SIDT1: variants seen among roughly 807,000 people sequenced by gnomAD.
SIDT1 encodes the protein SID1 transmembrane family member 1.
In SIDT1, 101 loss-of-function variants were observed where a neutral mutation model predicts 107.5. The ratio of observed to expected loss-of-function variants is 0.94; its 90% CI spans 0.80 to 1.11. SIDT1 has a LOEUF of 1.11. Among genes scored for constraint, SIDT1 ranks in the 50% least tolerant of loss-of-function variants. The probability of loss-of-function intolerance (pLI) is 0.00; values close to 1 mark genes in which losing one functional copy is unlikely to be tolerated. For synonymous variants in SIDT1, 395 were observed against 398.2 expected, an observed-to-expected ratio of 0.99 and a Z score of 0.10; for missense variants, 1,076 against 1,058.2, an observed-to-expected ratio of 1.02 and a Z score of -0.23.
At position 113,566,412 on chromosome 3, in the gene SIDT1, C is replaced by A; in HGVS notation, c.223-8C>A. The stretch of plus-strand genomic sequence containing the variant: ...TTTTGCATTACCTCTTTCTACCCTG[C>A]CATGCAGGTGACAGCCGTGAGGGTG... On this transcript the variant is annotated splice_region_variant and splice_polypyrimidine_tract_variant and intron_variant, in intron 1 of 24. Coordinates refer to ENST00000264852, the MANE Select transcript of SIDT1 (RefSeq NM_017699.3). 4 of 1,612,452 alleles carry A rather than the reference C, an allele frequency of 2.5e-6. No individual in the cohort carries two copies. The highest frequency in any genetic ancestry group is 3.4e-6 in the Non-Finnish European group (4 of 1,179,018).
At chr3:113,588,412 T>C (rs1943895074) in intron 9 of SIDT1, among the ~76,000 whole-genome samples, 1 of 152,232 alleles carries the variant, frequency 6.6e-6, no homozygotes, top group African/African-American at 2.4e-5. Context: ...ATGAAGCTAC[T>C]CATCTCAGCA....
chr3:113,600,807 T>C lies in SIDT1; in HGVS notation c.1046-781T>C, dbSNP rs569162644. Among the ~76,000 whole-genome samples, 13 of 152,352 alleles carry C rather than the reference T, an allele frequency of 8.5e-5. No homozygotes were observed. In the East Asian group the frequency reaches 2.5e-3, roughly 29 times the overall value. On this transcript the variant is annotated intron_variant, in intron 10 of 24. Coordinates refer to ENST00000264852, the MANE Select transcript of SIDT1 (RefSeq NM_017699.3). The stretch of plus-strand genomic sequence containing the variant: ...TAGATGGTATTGATGACATGTTACA[T>C]ACTTATGGGTCAGCCCAAGAAAGGC...
chr3:113,608,337 C>G, intron 16 of SIDT1, 82 bp from the exon 17 acceptor site: 1 of 1,532,732 alleles, frequency 6.5e-7, no homozygotes, highest in Non-Finnish European at 9.0e-7. Flanking sequence ...TACATGAGGC[C>G]AGAAGCATGT....
intron 13 of SIDT1, 71 bp downstream of exon 13, chr3:113,604,104 CT>C: frequency 9.2e-7 from 1 of 1,089,104 alleles, no homozygotes. Flanking sequence ...GCCACAACCA[CT>C]TAGGCACAAG....
chr3:113,612,137 G>C lies in SIDT1; in HGVS notation c.1909G>C (p.Val637Leu). The change falls in exon 19 of 25, where the codon GTT becomes CTT. Residue 637 changes from valine to leucine, a missense_variant. Coordinates refer to ENST00000264852, the MANE Select transcript of SIDT1 (RefSeq NM_017699.3). ...WFWVIFSAIHVLASLALSTQI... is the reference protein window; with the variant it reads ...WFWVIFSAIHLLASLALSTQI... ...CTGGGTCATCTTCTCTGCAATCCAC[G>C]TTCTGGCCTCGCTAGCCCTCAGCAC... 6.2e-7 allele frequency: 1 copy of C among 1,614,054 alleles called. No individual in the cohort carries two copies. The highest frequency in any genetic ancestry group is 8.5e-7 in the Non-Finnish European group (1 of 1,180,006).
Position 113,603,840 on chromosome 3 carries a change from A to T in SIDT1, c.1264-120A>T, listed in dbSNP as rs1035250178. ...AAATTTAGTAAATTTGAATAATTGT[A>T]TCGCTTGAATAATTTTAACAATTTT... On this transcript the variant is annotated intron_variant, in intron 12 of 24. Transcript: ENST00000264852. The T allele has an allele frequency of 4.6e-6, 3 of 656,320 alleles. No homozygotes were observed. In the East Asian group the frequency reaches 9.4e-5, roughly 20 times the overall value. The allele number at this position is 656,320 out of a possible 1,614,324, so 40.7% of individuals were successfully genotyped here.
At chr3:113,584,866 A>G in intron 8 of SIDT1, 97 bp downstream of exon 8, 1 of 895,962 alleles carries the variant, frequency 1.1e-6, no homozygotes, top group Non-Finnish European at 1.7e-6. Context: ...GAGAATTGTC[A>G]TAAGAAAACT....
chr3:113,596,931 C>G (rs1944600324), intron 10 of SIDT1, among the ~76,000 whole-genome samples: 1 of 152,146 alleles, frequency 6.6e-6, no homozygotes, highest in Admixed American at 6.5e-5. Context: ...ACTGAACCAG[C>G]CTCTTAGCCA....
At chr3:113,572,811 G>A (rs1942575589) in intron 3 of SIDT1, among the ~76,000 whole-genome samples, 1 of 152,126 alleles carries the variant, frequency 6.6e-6, no homozygotes, top group Non-Finnish European at 1.5e-5. Context: ...TTCTAAGTAG[G>A]GATCTTGAGT....
At chr3:113,630,509 A>C (rs896230795), downstream of SIDT1, among the ~76,000 whole-genome samples, 1 of 152,174 alleles carries the variant, frequency 6.6e-6, no homozygotes, top group African/African-American at 2.4e-5. Context: ...CCAGGCACCC[A>C]CCAGAAGGTT....
rs944799803 is a variant in SIDT1, at chr3:113,584,724, C to A, written c.862C>A (p.Gln288Lys). 3 of 1,599,974 alleles carry A rather than the reference C, an allele frequency of 1.9e-6. No individual in the cohort carries two copies. The highest frequency in any genetic ancestry group is 2.6e-6 in the Non-Finnish European group (3 of 1,175,824). ...AAAGGAAAACCAGACCTGGAATCTA[C>A]AGCGAAAAAAGAACCTTGAAGTGAC... ...QEKENQTWNL[Q>K]RKKNLEVTIV... The change falls in exon 8 of 25, where the codon CAG becomes AAG. Residue 288 changes from glutamine to lysine, a missense_variant. Coordinates refer to ENST00000264852, the MANE Select transcript of SIDT1 (RefSeq NM_017699.3).
At chr3:113,563,716 A>G (rs557079729) in intron 1 of SIDT1, among the ~76,000 whole-genome samples, 18 of 151,810 alleles carry the variant, frequency 1.2e-4, no homozygotes, top group Non-Finnish European at 1.0e-4. Context: ...AATACAATGT[A>G]TGGGTCTTGT....
intron 1 of SIDT1, 93 bp from the exon 2 acceptor site, chr3:113,566,327 T>G: frequency 4.0e-6 from 5 of 1,242,754 alleles, no homozygotes; most frequent in East Asian, 2.4e-5. Context: ...GGTGTGTGTG[T>G]TTGTGTGTGT....
chr3:113,614,894 A>G (rs910381526), intron 19 of SIDT1, among the ~76,000 whole-genome samples: 1 of 152,250 alleles, frequency 6.6e-6, no homozygotes, highest in Non-Finnish European at 1.5e-5. Flanking sequence ...ACAAGCAGAA[A>G]GATCCTATGT....
intron 10 of SIDT1, among the ~76,000 whole-genome samples, chr3:113,597,945 A>T (rs547144475): frequency 6.6e-6 from 1 of 152,356 alleles, no homozygotes; most frequent in Non-Finnish European, 1.5e-5. Flanking sequence ...CTTGACGTTT[A>T]GAAGGAAATG....
chr3:113,555,781 C>T (rs530741419), intron 1 of SIDT1, among the ~76,000 whole-genome samples: 1 of 151,918 alleles, frequency 6.6e-6, no homozygotes, highest in Admixed American at 6.5e-5. Context: ...TGAATGAGCT[C>T]TTCCAGGCTA....
At chr3:113,615,067 G>A (rs1332915241) in intron 19 of SIDT1, 4 of 1,535,406 alleles carry the variant, frequency 2.6e-6, no homozygotes, top group Admixed American at 3.9e-5. Flanking sequence ...ATTCAGATGT[G>A]TCTGACACAG....
chr3:113,586,789 A>G (rs1943774995), intron 9 of SIDT1, among the ~76,000 whole-genome samples: 1 of 152,260 alleles, frequency 6.6e-6, no homozygotes, highest in African/African-American at 2.4e-5. Context: ...CCAGAAATGC[A>G]TATTTGGAAT....
chr3:113,592,558 T>C (rs1301904755), intron 9 of SIDT1: 3 of 160,054 alleles, frequency 1.9e-5, no homozygotes, highest in Non-Finnish European at 4.1e-5. Flanking sequence ...AAGACATGTG[T>C]TTGTTTGTTG....
Sources: allele counts gnomAD v4.1 joint callset (sites outside exome capture counted in the v4.1 genomes callset), GRCh38; gene constraint gnomAD v4.1.1; transcripts MANE v1.5; gene names NCBI Gene and HGNC (gene_info 2026-07-23, HGNC 2026-07-21).